The following BLTP3A variants were observed in gnomAD, a reference collection of about 807,000 sequenced individuals.
BLTP3A encodes bridge-like lipid transfer protein family member 3A.
chr6:34,854,508 G>A, the BLTP3A span, among the ~76,000 whole-genome samples: 2 of 152,078 alleles, frequency 1.3e-5, no homozygotes, highest in African/African-American at 2.4e-5. Flanking sequence ...CTTTATACAT[G>A]TTCTTTTTAA....
chr6:34,861,470 G>C, the BLTP3A span, among the ~76,000 whole-genome samples: 1 of 152,092 alleles, frequency 6.6e-6, no homozygotes. Context: ...TGTGTTTATC[G>C]TGTTGACAGT....
At chr6:34,871,525 TTG>T in the BLTP3A span, 8 of 1,509,462 alleles carry the variant, frequency 5.3e-6, no homozygotes, top group Non-Finnish European at 7.3e-6. Context: ...GGAGCATGGG[TTG>T]TGTTAAATTG....
chr6:34,835,404 G>A, the BLTP3A span: 1 of 1,614,168 alleles, frequency 6.2e-7, no homozygotes, highest in Non-Finnish European at 8.5e-7. Context: ...CAGAGTCACT[G>A]AGTGAAGCCA....
chr6:34,864,122 G>C, the BLTP3A span: 1 of 1,614,124 alleles, frequency 6.2e-7, no homozygotes, highest in Non-Finnish European at 8.5e-7. Flanking sequence ...GTGTCTCATT[G>C]GATAGCAGTG....
At chr6:34,821,369 A>G in the BLTP3A span, 1 of 277,920 alleles carries the variant, frequency 3.6e-6, no homozygotes, top group African/African-American at 2.2e-5. Context: ...TGATGACACA[A>G]TCATAAGTAG....
the BLTP3A span, among the ~76,000 whole-genome samples, chr6:34,795,452 C>T: frequency 1.1e-4 from 17 of 150,628 alleles, no homozygotes; most frequent in East Asian, 3.3e-3. Context: ...AGCTGGGGTG[C>T]AGTGGCACGA....
chr6:34,812,174 C>G, the BLTP3A span, among the ~76,000 whole-genome samples: 1 of 151,548 alleles, frequency 6.6e-6, no homozygotes, highest in Non-Finnish European at 1.5e-5. Context: ...ACTAAAAATA[C>G]AAAATTAGCC....
At chr6:34,864,719 G>A in the BLTP3A span, among the ~76,000 whole-genome samples, 2 of 152,264 alleles carry the variant, frequency 1.3e-5, no homozygotes, top group African/African-American at 2.4e-5. Flanking sequence ...TGTAATCCCA[G>A]CACTTTGGGA....
At chr6:34,806,093 A>C in the BLTP3A span, among the ~76,000 whole-genome samples, 1 of 152,214 alleles carries the variant, frequency 6.6e-6, no homozygotes, top group Non-Finnish European at 1.5e-5. Flanking sequence ...GTTGATTTGC[A>C]ATGTGTAGAA....
chr6:34,794,360 T>TA, the BLTP3A span, among the ~76,000 whole-genome samples: 3 of 152,162 alleles, frequency 2.0e-5, no homozygotes, highest in Non-Finnish European at 4.4e-5. Flanking sequence ...GGTTATTGTG[T>TA]TACATGAATT....
chr6:34,806,722 C>T, the BLTP3A span, among the ~76,000 whole-genome samples: 1 of 152,142 alleles, frequency 6.6e-6, no homozygotes, highest in Non-Finnish European at 1.5e-5. Flanking sequence ...AGTGCAGTGG[C>T]GCAATCTTAG....
At chr6:34,858,010 T>C in the BLTP3A span, 6 of 1,558,046 alleles carry the variant, frequency 3.9e-6, no homozygotes, top group South Asian at 3.7e-5. Context: ...GTCCATTTTG[T>C]GGAAGTAAGA....
the BLTP3A span, among the ~76,000 whole-genome samples, chr6:34,849,463 C>CT: frequency 6.6e-6 from 1 of 152,160 alleles, no homozygotes; most frequent in Non-Finnish European, 1.5e-5. Context: ...AACAAAAACT[C>CT]TAATTTCATC....
At chr6:34,827,082 G>A in the BLTP3A span, among the ~76,000 whole-genome samples, 6 of 152,184 alleles carry the variant, frequency 3.9e-5, no homozygotes, top group Admixed American at 1.3e-4. Context: ...GGAGGCCAAG[G>A]CGGGTGGATC....
the BLTP3A span, chr6:34,821,383 C>A: frequency 3.2e-6 from 1 of 313,468 alleles, no homozygotes; most frequent in Non-Finnish European, 5.9e-6. Flanking sequence ...TAAGTAGAAT[C>A]ATAGGTCTCA....
At chr6:34,855,657 T>C in the BLTP3A span, 1 of 1,613,942 alleles carries the variant, frequency 6.2e-7, no homozygotes, top group Non-Finnish European at 8.5e-7. Context: ...CCATGCAGCT[T>C]ACCTTCCGCA....
the BLTP3A span, among the ~76,000 whole-genome samples, chr6:34,838,291 TAAAAC>T: frequency 2.0e-5 from 3 of 152,074 alleles, no homozygotes; most frequent in African/African-American, 7.2e-5. Context: ...TTTATATACA[TAAAAC>T]AAACACCCAA....
At chr6:34,809,530 T>C in the BLTP3A span, among the ~76,000 whole-genome samples, 11 of 152,280 alleles carry the variant, frequency 7.2e-5, no homozygotes, top group South Asian at 1.0e-3. Context: ...TGTATAACTT[T>C]TGACTCCCCA....
At chr6:34,848,605 CAAA>C in the BLTP3A span, among the ~76,000 whole-genome samples, 1 of 125,468 alleles carries the variant, frequency 8.0e-6, no homozygotes, top group African/African-American at 2.9e-5. Flanking sequence ...GACTTGGTCT[CAAA>C]AAAAAAAAAA....
Sources: gnomAD v4.1 joint callset for allele counts (sites outside exome capture counted in the v4.1 genomes callset) on GRCh38, gnomAD v4.1.1 for gene constraint, MANE v1.5 for transcripts, NCBI Gene and HGNC (gene_info 2026-07-23, HGNC 2026-07-21) for gene names.